BMP2K: variants seen among roughly 807,000 people sequenced by gnomAD.
The protein encoded by BMP2K is BMP-2-inducible protein kinase.
BMP2K carries 74 observed loss-of-function variants against 116.0 expected under a neutral mutation model. The ratio of observed to expected loss-of-function variants is 0.64; its 90% CI spans 0.53 to 0.77. BMP2K has a LOEUF of 0.77. BMP2K is among the 30% of genes least tolerant of loss of function. BMP2K has a pLI of 0.00. For missense variants in BMP2K, 1,365 were observed against 1,403.6 expected, an observed-to-expected ratio of 0.97 and a Z score of 0.44; for synonymous variants, 486 against 502.5, an observed-to-expected ratio of 0.97 and a Z score of 0.44.
intron 6 of BMP2K, among the ~76,000 whole-genome samples, chr4:78,849,169 A>G (rs2110030968): frequency 6.6e-6 from 1 of 151,382 alleles, no homozygotes; most frequent in South Asian, 2.1e-4. Flanking sequence ...TAGGATGCTG[A>G]TTTTATAAAG....
At chr4:78,825,264 A>C (rs922197845) in intron 1 of BMP2K, among the ~76,000 whole-genome samples, 2 of 152,196 alleles carry the variant, frequency 1.3e-5, no homozygotes, top group African/African-American at 4.8e-5. Flanking sequence ...GGCTTAAGTA[A>C]TGAAGACATT....
intron 7 of BMP2K, among the ~76,000 whole-genome samples, chr4:78,855,459 G>T (rs1731459491): frequency 6.6e-6 from 1 of 152,130 alleles, no homozygotes; most frequent in African/African-American, 2.4e-5. Flanking sequence ...ATTAGAGATG[G>T]TGGCTTAACT....
At chr4:78,838,009 G>C (rs10027127) in intron 3 of BMP2K, among the ~76,000 whole-genome samples, 2 of 152,010 alleles carry the variant, frequency 1.3e-5, no homozygotes, top group Non-Finnish European at 2.9e-5. Flanking sequence ...TGATAAAGAC[G>C]TACTCGAGAC....
intron 1 of BMP2K, among the ~76,000 whole-genome samples, chr4:78,823,985 T>C (rs1391809902): frequency 6.6e-6 from 1 of 152,242 alleles, no homozygotes; most frequent in Non-Finnish European, 1.5e-5. Context: ...TTCTACTTTC[T>C]GGCTTGTTAA....
chr4:78,842,040 C>T (rs1730783061), intron 3 of BMP2K, among the ~76,000 whole-genome samples: 2 of 151,924 alleles, frequency 1.3e-5, no homozygotes, highest in Admixed American at 1.3e-4. Context: ...TAACAGAAAC[C>T]TTATTTTTGT....
rs1256168318 is a variant in BMP2K, at chr4:78,826,055, T to C, written c.197T>C (p.Phe66Ser). 4 of 1,613,722 alleles carry C rather than the reference T, an allele frequency of 2.5e-6. No homozygotes were observed. Among genetic ancestry groups the C allele is most frequent in the Admixed American group, 1.7e-5 (1 of 59,974 alleles). The change falls in exon 2 of 16, where the codon TTC becomes TCC. Residue 66 changes from phenylalanine (F) to serine (S), a missense_variant. Physicochemically the swap from Phe to Ser is radical, Grantham distance 155 (BLOSUM62 -2). This residue lies in a region of BMP2K where 762 missense variants were observed against 756.7 expected (regional missense o/e 1.01). Transcript: ENST00000502613. ...TTTCTAGGTGGATTCTCCACAGTTT[T>C]CCTCGTGCGTACTCACGGTGGAATC... is the stretch of plus-strand genomic sequence containing the variant. ...SLAEGGFSTV[F>S]LVRTHGGIRC...
chr4:78,843,371 T>C (rs1472123213), intron 4 of BMP2K, among the ~76,000 whole-genome samples: 2 of 151,862 alleles, frequency 1.3e-5, no homozygotes, highest in Admixed American at 1.3e-4. Flanking sequence ...ATGCCTATTA[T>C]TTATTTCCTG....
intron 13 of BMP2K, 43 bp downstream of exon 13, chr4:78,872,841 G>A: frequency 6.4e-7 from 1 of 1,574,642 alleles, no homozygotes; most frequent in Non-Finnish European, 8.7e-7. Flanking sequence ...TATTGTGGAA[G>A]TGGAAGTCAT....
chr4:78,797,119 T>C (rs1376557836), intron 1 of BMP2K, among the ~76,000 whole-genome samples: 1 of 152,184 alleles, frequency 6.6e-6, no homozygotes, highest in Non-Finnish European at 1.5e-5. Context: ...TGGGGAGTCT[T>C]AGTCCTTAAT....
chr4:78,899,627 G>GGA (rs758732290), intron 15 of BMP2K, among the ~76,000 whole-genome samples: 209 of 151,656 alleles, frequency 1.4e-3, no homozygotes, highest in Non-Finnish European at 2.1e-3. Context: ...CATAGAAACA[G>GGA]GAGAAGTACA....
chr4:78,894,319 G>A (rs1733589452), intron 15 of BMP2K, among the ~76,000 whole-genome samples: 1 of 152,190 alleles, frequency 6.6e-6, no homozygotes, highest in Non-Finnish European at 1.5e-5. Context: ...TCTTCCAATA[G>A]AAGGCTGTTT....
At chr4:78,802,443 T>C (rs572817376) in intron 1 of BMP2K, among the ~76,000 whole-genome samples, 16 of 152,378 alleles carry the variant, frequency 1.1e-4, no homozygotes, top group South Asian at 2.1e-4. Context: ...GAAATTGCAA[T>C]TTAAATTTTA....
intron 14 of BMP2K, among the ~76,000 whole-genome samples, chr4:78,882,913 T>A (rs1467879470): frequency 6.6e-6 from 1 of 152,072 alleles, no homozygotes; most frequent in Admixed American, 6.5e-5. Flanking sequence ...GAACTATTAC[T>A]GTTCCTTCAG....
At chr4:78,802,663 T>C (rs1399468817) in intron 1 of BMP2K, among the ~76,000 whole-genome samples, 1 of 152,176 alleles carries the variant, frequency 6.6e-6, no homozygotes, top group Non-Finnish European at 1.5e-5. Context: ...ACTACCCCAG[T>C]TGTTATAGCC....
intron 1 of BMP2K, among the ~76,000 whole-genome samples, chr4:78,804,445 G>C (rs1728724685): frequency 6.6e-6 from 1 of 152,064 alleles, no homozygotes; most frequent in African/African-American, 2.4e-5. Context: ...TTCTACACTT[G>C]ATACCTAGGA....
In BMP2K at chr4:78,908,841, T is replaced by A. The variant is rs28709346; in HGVS notation, c.2063-1769T>A. Reference sequence around the variant, plus strand: ...TATGTTGATACAGGTATACAGTGCATAATAATCACATCAGGGTAAATGGGT... The same window carrying A: ...TATGTTGATACAGGTATACAGTGCAAAATAATCACATCAGGGTAAATGGGT... On this transcript the variant is annotated intron_variant, in intron 15 of 15. Transcript: ENST00000502613. Among the ~76,000 whole-genome samples, 439 of 152,236 alleles carry A rather than the reference T, an allele frequency of 2.9e-3. 4 individuals are homozygous for A. The highest frequency in any genetic ancestry group is 0.011 in the South Asian group (54 of 4,820).
intron 13 of BMP2K, among the ~76,000 whole-genome samples, chr4:78,875,414 C>G (rs183111228): frequency 3.9e-5 from 6 of 152,250 alleles, no homozygotes; most frequent in Admixed American, 3.9e-4. Context: ...TTCTACTCTT[C>G]CACCATGTTA....
Position 78,896,318 on chromosome 4 carries a change from A to G in BMP2K, c.2062+9034A>G, listed in dbSNP as rs917045810. Among the ~76,000 whole-genome samples, 3 of 152,346 alleles carry G rather than the reference A, an allele frequency of 2.0e-5. No individual in the cohort carries two copies. The East Asian group carries it at 5.8e-4, about 29-fold the overall frequency. ...CTCAAAGCATGTGTATTGAAAAAGTAGGGATCAGAAATAACATTTAATTGT... is the reference window on the plus strand; with the variant it reads ...CTCAAAGCATGTGTATTGAAAAAGTGGGGATCAGAAATAACATTTAATTGT... On this transcript the variant is annotated intron_variant, in intron 15 of 15. Coordinates refer to ENST00000502613, the MANE Select transcript of BMP2K (RefSeq NM_198892.2).
At chr4:78,877,319 T>A (rs1396837093) in intron 13 of BMP2K, among the ~76,000 whole-genome samples, 1 of 152,196 alleles carries the variant, frequency 6.6e-6, no homozygotes, top group Non-Finnish European at 1.5e-5. Flanking sequence ...TTTGACTCTT[T>A]GGTTATAACA....
Sources: allele counts gnomAD v4.1 joint callset (sites outside exome capture counted in the v4.1 genomes callset), GRCh38; gene constraint gnomAD v4.1.1; regional missense constraint gnomAD v4.1.1; transcripts MANE v1.5; gene names NCBI Gene and HGNC (gene_info 2026-07-23, HGNC 2026-07-21).